Variants in RUNX1 observed in about 807,000 individuals in gnomAD.
The protein encoded by RUNX1 is runt-related transcription factor 1.
In RUNX1, 19 loss-of-function variants were observed where a neutral mutation model predicts 42.8. That is an observed-to-expected ratio of 0.44 (90% confidence interval 0.31 to 0.65). The LOEUF (loss-of-function observed/expected upper bound fraction) is 0.65, where lower values mean the gene tolerates loss of function less well. Among genes scored for constraint, RUNX1 ranks in the 30% least tolerant of loss-of-function variants. RUNX1 has a pLI of 0.07. For missense variants in RUNX1, 528 were observed against 672.0 expected (o/e 0.79, Z 2.37); for synonymous variants, 271 against 289.4 (o/e 0.94, Z 0.64).
chr21:34,824,072 T>C (rs2056950627), intron 7 of RUNX1, among the ~76,000 whole-genome samples: 1 of 152,260 alleles, frequency 6.6e-6, no homozygotes, highest in South Asian at 2.1e-4. Context: ...AGGCAGTGGC[T>C]GTCTTTTCTG....
intron 2 of RUNX1, among the ~76,000 whole-genome samples, chr21:34,976,573 C>T (rs151118755): frequency 5.8e-4 from 89 of 152,252 alleles, no homozygotes; most frequent in African/African-American, 2.0e-3. Context: ...GACATTTTGA[C>T]GAACACCGTG....
chr21:35,024,749 T>A (rs1265634285), intron 2 of RUNX1, among the ~76,000 whole-genome samples: 1 of 152,240 alleles, frequency 6.6e-6, no homozygotes, highest in Non-Finnish European at 1.5e-5. Flanking sequence ...TACTGCCTCT[T>A]CCATCCTAGT....
intron 2 of RUNX1, among the ~76,000 whole-genome samples, chr21:34,918,691 C>A (rs1372291980): frequency 1.3e-5 from 2 of 152,164 alleles, no homozygotes; most frequent in Non-Finnish European, 2.9e-5. Context: ...AGGTGGATCA[C>A]AAGGTCAAGA....
chr21:34,835,163 T>C (rs1326416094), intron 6 of RUNX1, among the ~76,000 whole-genome samples: 1 of 152,020 alleles, frequency 6.6e-6, no homozygotes, highest in Non-Finnish European at 1.5e-5. Flanking sequence ...CATTTCCAGG[T>C]ACACGCAGGG....
At chr21:34,834,312 C>A (rs745746160) in intron 7 of RUNX1, 98 bp downstream of exon 7, 3 of 1,233,730 alleles carry the variant, frequency 2.4e-6, no homozygotes, top group South Asian at 2.4e-5. Flanking sequence ...CAAGGGGAAA[C>A]CCCAGTTGGT....
Position 34,901,970 on chromosome 21 carries a change from A to G in RUNX1, c.59-9007T>C, listed in dbSNP as rs2058181170. On this transcript the variant is annotated intron_variant, in intron 2 of 8. Transcript: ENST00000675419. The surrounding 1 kb of genome is among the most constrained non-coding windows in gnomAD (Gnocchi z 4.3). Reference sequence around the variant, plus strand: ...TTTCTTTTGTAATCTGCTTTATTTGAGGCATTTTAGTTAATATATTTAAAG... The same window carrying G: ...TTTCTTTTGTAATCTGCTTTATTTGGGGCATTTTAGTTAATATATTTAAAG... Among the ~76,000 whole-genome samples the G allele has an allele frequency of 1.3e-5, 2 of 152,140 alleles. No individual in the cohort carries two copies. The highest frequency in any genetic ancestry group is 4.8e-5 in the African/African-American group (2 of 41,428).
intron 2 of RUNX1, among the ~76,000 whole-genome samples, chr21:34,941,803 A>G (rs970069395): frequency 1.3e-5 from 2 of 151,320 alleles, no homozygotes; most frequent in Non-Finnish European, 2.9e-5. Context: ...GCTATAGATG[A>G]TGATTTCTTT....
At position 34,794,736 on chromosome 21, in the gene RUNX1, G is replaced by C. The variant is rs188226808; in HGVS notation, c.968-2126C>G. On this transcript the variant is annotated intron_variant, in intron 8 of 8. Transcript: ENST00000675419. ...CAGGGTTCCCTATATCTGTAGATCA[G>C]AGTTTCTCAACTGTTGACACTGTTG... 5.2e-3 allele frequency among the ~76,000 whole-genome samples: 799 copies of C among 152,294 alleles called. 6 individuals are homozygous for C. The highest frequency in any genetic ancestry group is 0.018 in the African/African-American group (759 of 41,564).
intron 6 of RUNX1, among the ~76,000 whole-genome samples, chr21:34,848,420 GCT>G (rs2057347247): frequency 1.3e-5 from 2 of 152,186 alleles, no homozygotes; most frequent in South Asian, 4.1e-4. Flanking sequence ...GCTCACCGAG[GCT>G]ACCTGAGCAC....
chr21:35,024,892 ACAGC>A (rs958943645), intron 2 of RUNX1, among the ~76,000 whole-genome samples: 1 of 152,250 alleles, frequency 6.6e-6, no homozygotes, highest in African/African-American at 2.4e-5. Flanking sequence ...ATTTTTAGAA[ACAGC>A]CAGAAGGCAT....
At chr21:35,002,339 A>C (rs2059050908) in intron 2 of RUNX1, among the ~76,000 whole-genome samples, 1 of 151,482 alleles carries the variant, frequency 6.6e-6, no homozygotes, top group Non-Finnish European at 1.5e-5. Context: ...TATTTGTCTT[A>C]TGCTTTTCCA....
rs1334842530 is a variant in RUNX1, at chr21:34,901,291, C to A, written c.59-8328G>T. Among the ~76,000 whole-genome samples, 3 of 151,960 alleles carry A rather than the reference C, an allele frequency of 2.0e-5. No homozygotes were observed. Among genetic ancestry groups the A allele is most frequent in the Admixed American group, 2.0e-4 (3 of 15,248 alleles). ...CTTTGGGAGGCAGAGGCGGGTGGAT[C>A]ATGAGGTCAAGAGTTTGAGACCAGC... On this transcript the variant is annotated intron_variant, in intron 2 of 8. Coordinates refer to ENST00000675419, the MANE Select transcript of RUNX1 (RefSeq NM_001754.5). This position sits in a 1 kb window ranked among gnomAD's most constrained non-coding sequence, Gnocchi z 4.3.
At chr21:34,881,101 C>T (rs1461649164) in intron 4 of RUNX1, among the ~76,000 whole-genome samples, 1 of 152,122 alleles carries the variant, frequency 6.6e-6, no homozygotes, top group Non-Finnish European at 1.5e-5. Flanking sequence ...AGCAAGATAT[C>T]AAGGATTTTG....
intron 6 of RUNX1, among the ~76,000 whole-genome samples, chr21:34,857,258 T>C (rs1053363545): frequency 1.6e-4 from 24 of 152,240 alleles, no homozygotes; most frequent in African/African-American, 5.8e-4. Flanking sequence ...CAGAGGGTGC[T>C]TCTCCATATA....
intron 2 of RUNX1, among the ~76,000 whole-genome samples, chr21:34,999,582 T>C (rs2059024452): frequency 6.6e-6 from 1 of 152,114 alleles, no homozygotes; most frequent in African/African-American, 2.4e-5. Context: ...ACACGTGTGT[T>C]CTGAACTCCC....
chr21:34,960,969 A>G (rs2058677823), intron 2 of RUNX1, among the ~76,000 whole-genome samples: 1 of 152,218 alleles, frequency 6.6e-6, no homozygotes, highest in Non-Finnish European at 1.5e-5. Flanking sequence ...ATTAGCAGAC[A>G]GTTGTGAAGA....
chr21:34,940,861 A>G (rs1314351394), intron 2 of RUNX1, among the ~76,000 whole-genome samples: 1 of 152,218 alleles, frequency 6.6e-6, no homozygotes, highest in Non-Finnish European at 1.5e-5. Context: ...TGGCTTTTTC[A>G]AAAATATATT....
At chr21:34,796,794 A>AT (rs59518592) in intron 8 of RUNX1, among the ~76,000 whole-genome samples, 1 of 151,964 alleles carries the variant, frequency 6.6e-6, no homozygotes, top group East Asian at 1.9e-4. Flanking sequence ...CTAAACATTA[A>AT]TTTTTTTTGA....
At chr21:34,926,243 G>A (rs1271734875) in intron 2 of RUNX1, among the ~76,000 whole-genome samples, 1 of 151,822 alleles carries the variant, frequency 6.6e-6, no homozygotes, top group Non-Finnish European at 1.5e-5. Flanking sequence ...GTGAGGTCGA[G>A]GTGGGCAGAC....
Sources: allele counts gnomAD v4.1 joint callset (sites outside exome capture counted in the v4.1 genomes callset), GRCh38; gene constraint gnomAD v4.1.1; non-coding constraint Gnocchi (gnomAD v3.1); transcripts MANE v1.5; gene names NCBI Gene and HGNC (gene_info 2026-07-23, HGNC 2026-07-21).